URB2: variants seen among roughly 807,000 people sequenced by gnomAD.
The protein encoded by URB2 is URB2 ribosome biogenesis homolog.
Under a neutral mutation model 120.9 loss-of-function variants are expected in URB2, and 86 were observed. The ratio of observed to expected loss-of-function variants is 0.71; its 90% confidence interval spans 0.60 to 0.85. URB2 has a LOEUF of 0.85. Among genes scored for constraint, URB2 ranks in the 40% least tolerant of loss-of-function variants. URB2 has a pLI of 0.00. For synonymous variants in URB2, 755 were observed against 758.4 expected (o/e 1.00, Z 0.07); for missense variants, 1,765 against 1,836.5 (o/e 0.96, Z 0.71).
rs1185772936 is a variant in URB2, at chr1:229,635,216, G to C, written c.603G>C (p.Leu201=). Residue 201 remains leucine (L), a synonymous_variant, in exon 4 of 10, where the codon CTG becomes CTC. Transcript: ENST00000258243. ...CCTTTGGGGATGTGACTGCTCACCT[G>C]CTCCAGCCGTGCCTGGTCCTGAGGC... The part of the protein sequence containing the change: ...RRAFGDVTAH[L]LQPCLVLRHL... 2.5e-6 allele frequency: 4 copies of C among 1,614,102 alleles called. No individual in the cohort carries two copies. The highest frequency in any genetic ancestry group is 3.3e-5 in the Admixed American group (2 of 60,016).
intron 2 of URB2, 41 bp downstream of exon 2, chr1:229,627,800 G>A (rs755767285): frequency 2.1e-5 from 32 of 1,560,682 alleles, no homozygotes; most frequent in Non-Finnish European, 2.8e-5. Flanking sequence ...AGTCTGTCAA[G>A]ATAATTATCA....
chr1:229,635,449 A>C lies in URB2; in HGVS notation c.836A>C (p.Asp279Ala). The part of the protein sequence containing the change: ...GAMKNLLAPM[D>A]TVLNRLVDAG... The stretch of plus-strand genomic sequence containing the variant: ...ATGAAGAACCTTCTGGCTCCCATGG[A>C]CACCGTGCTTAACAGGCTGGTTGAT... The change falls in exon 4 of 10, where the codon GAC (aspartate) becomes GCC (alanine). Residue 279 changes from aspartate (D) to alanine (A), a missense_variant. Asp to Ala is a moderately radical substitution (Grantham distance 126, BLOSUM62 -2). Coordinates refer to ENST00000258243, the MANE Select transcript of URB2 (RefSeq NM_014777.4). 1.2e-6 allele frequency: 2 copies of C among 1,613,476 alleles called. No homozygotes were observed. The highest frequency in any genetic ancestry group is 8.5e-7 in the Non-Finnish European group (1 of 1,179,650).
At chr1:229,638,636 A>T (rs2102788230) in intron 4 of URB2, among the ~76,000 whole-genome samples, 1 of 148,458 alleles carries the variant, frequency 6.7e-6, no homozygotes, top group Admixed American at 6.9e-5. Flanking sequence ...ACAGAGCGAG[A>T]GTCTGTCTCA....
chr1:229,634,629 T>G (rs1571868676), intron 3 of URB2, among the ~76,000 whole-genome samples: 1 of 152,170 alleles, frequency 6.6e-6, no homozygotes, highest in African/African-American at 2.4e-5. Flanking sequence ...TTTAAGCCCT[T>G]TAAAACCCAG....
chr1:229,643,290 G>T (rs546469867), intron 4 of URB2, among the ~76,000 whole-genome samples: 4 of 152,368 alleles, frequency 2.6e-5, no homozygotes, highest in African/African-American at 9.6e-5. Context: ...TACCTCCTAA[G>T]CATGGCTGTC....
At chr1:229,651,403 T>C in intron 8 of URB2, 81 bp downstream of exon 8, 1 of 1,170,404 alleles carries the variant, frequency 8.5e-7, no homozygotes, top group Non-Finnish European at 1.2e-6. Context: ...TTACTGAAAA[T>C]AAAACTACTC....
Position 229,637,036 on chromosome 1 carries a change from A to G in URB2, c.2423A>G (p.His808Arg). 1 of 1,614,076 alleles carries G rather than the reference A, an allele frequency of 6.2e-7. No homozygotes were observed. Among genetic ancestry groups the G allele is most frequent in the Non-Finnish European group, 8.5e-7 (1 of 1,180,040 alleles). The change falls in exon 4 of 10, where the codon CAT (histidine) becomes CGT (arginine). Residue 808 changes from histidine (H) to arginine (R), a missense_variant. His to Arg is a conservative substitution (Grantham distance 29). Coordinates refer to ENST00000258243, the MANE Select transcript of URB2 (RefSeq NM_014777.4). Reference protein sequence around the residue: ...SPLFPEMQSLHSAFLTCVTTS... With the variant: ...SPLFPEMQSLRSAFLTCVTTS... The stretch of plus-strand genomic sequence containing the variant: ...CTCTTTCCAGAGATGCAGTCCCTTC[A>G]TTCTGCTTTCTTAACGTGCGTAACC...
chr1:229,651,916 T>C (rs1666283477), intron 8 of URB2, among the ~76,000 whole-genome samples: 1 of 152,242 alleles, frequency 6.6e-6, no homozygotes, highest in Non-Finnish European at 1.5e-5. Context: ...GCGCAGTGGC[T>C]CATGGCTGTA....
chr1:229,649,143 G>A (rs1265501899), intron 7 of URB2, among the ~76,000 whole-genome samples: 1 of 152,088 alleles, frequency 6.6e-6, no homozygotes, highest in Non-Finnish European at 1.5e-5. Flanking sequence ...ATGGCTGTGT[G>A]TCATATATTC....
At chr1:229,639,371 G>A (rs903051288) in intron 4 of URB2, among the ~76,000 whole-genome samples, 1 of 138,226 alleles carries the variant, frequency 7.2e-6, no homozygotes, top group Non-Finnish European at 1.5e-5. Context: ...GTCTCACTCT[G>A]TCTACCAGGA....
chr1:229,650,612 G>A (rs1245206815), intron 7 of URB2, among the ~76,000 whole-genome samples: 1 of 152,046 alleles, frequency 6.6e-6, no homozygotes, highest in Non-Finnish European at 1.5e-5. Context: ...TGTATTTTTA[G>A]TAGAAACAGG....
chr1:229,639,703 C>A (rs1013044624), intron 4 of URB2, among the ~76,000 whole-genome samples: 1 of 152,164 alleles, frequency 6.6e-6, no homozygotes, highest in Admixed American at 6.5e-5. Context: ...CCTTAGTTCA[C>A]CCCTGTCCCC....
chr1:229,635,745 G>T lies in URB2; in HGVS notation c.1132G>T (p.Asp378Tyr), dbSNP rs765588103. 1 of 1,614,020 alleles carries T rather than the reference G, an allele frequency of 6.2e-7. No homozygotes were observed. The highest frequency in any genetic ancestry group is 8.5e-7 in the Non-Finnish European group (1 of 1,180,060). The change falls in exon 4 of 10, where the codon GAC (aspartate) becomes TAC (tyrosine). Residue 378 changes from aspartate (D) to tyrosine (Y), a missense_variant. Transcript: ENST00000258243. ...ANNNIYNIAA[D>Y]RIRHEEAQFR... Reference sequence around the variant, plus strand: ...CAACAATATCTACAACATCGCTGCCGACAGAATTCGGCACGAAGAGGCTCA... The same window carrying T: ...CAACAATATCTACAACATCGCTGCCTACAGAATTCGGCACGAAGAGGCTCA...
In URB2 at chr1:229,647,634, G is replaced by A. The variant is rs773178426; in HGVS notation, c.4031G>A (p.Ser1344Asn). Residue 1344 changes from serine (S) to asparagine (N), a missense_variant, in exon 7 of 10, where the codon AGC (serine) becomes AAC (asparagine). By Grantham distance (46) the Ser-to-Asn change is conservative (BLOSUM62 1). Coordinates refer to ENST00000258243, the MANE Select transcript of URB2 (RefSeq NM_014777.4). ...GCCATCGGCAACCCCCACCACGTCAGCCTGGCCTTCAGCATCCTTCTCACT... is the reference window on the plus strand; with the variant it reads ...GCCATCGGCAACCCCCACCACGTCAACCTGGCCTTCAGCATCCTTCTCACT... ...EEAIGNPHHVSLAFSILLTVP... is the reference protein window; with the variant it reads ...EEAIGNPHHVNLAFSILLTVP... The A allele has an allele frequency of 1.2e-6, 2 of 1,614,194 alleles. No homozygotes were observed. Among genetic ancestry groups the A allele is most frequent in the Non-Finnish European group, 8.5e-7 (1 of 1,180,040 alleles).
chr1:229,641,164 C>G (rs1050050061), intron 4 of URB2, among the ~76,000 whole-genome samples: 3 of 152,026 alleles, frequency 2.0e-5, no homozygotes. Context: ...AGGCATGCAC[C>G]ACCATGCCCG....
chr1:229,641,518 A>G (rs2102790526), intron 4 of URB2, among the ~76,000 whole-genome samples: 1 of 152,270 alleles, frequency 6.6e-6, no homozygotes, highest in South Asian at 2.1e-4. Context: ...GGGAAGTGCC[A>G]GAGTTGTGAG....
rs1316683847 is a variant in URB2 at position 229,647,753 on chromosome 1, G to A, written c.4149+1G>A. 2 of 1,610,826 alleles carry A rather than the reference G, an allele frequency of 1.2e-6. No individual in the cohort carries two copies. The highest frequency in any genetic ancestry group is 8.5e-7 in the Non-Finnish European group (1 of 1,177,540). Reference sequence around the variant, plus strand: ...CTCAATCCTGCAGTGTCACCCTAAGGTGAGAAGGAGGGTGAGAGTGGCAGG... The same window carrying A: ...CTCAATCCTGCAGTGTCACCCTAAGATGAGAAGGAGGGTGAGAGTGGCAGG... On this transcript the variant is annotated splice_donor_variant, in intron 7 of 9. Coordinates refer to ENST00000258243, the MANE Select transcript of URB2 (RefSeq NM_014777.4). LOFTEE classifies it high-confidence loss of function.
intron 4 of URB2, among the ~76,000 whole-genome samples, chr1:229,642,381 G>A (rs1408683026): frequency 6.6e-6 from 1 of 152,156 alleles, no homozygotes; most frequent in East Asian, 1.9e-4. Context: ...TGGGTCCAGG[G>A]TTTTACAGCT....
chr1:229,628,077 C>A (rs1665557408), intron 2 of URB2, among the ~76,000 whole-genome samples: 1 of 142,144 alleles, frequency 7.0e-6, no homozygotes. Flanking sequence ...AATGAGATCC[C>A]ATCTCTTAAA....
Sources: allele counts gnomAD v4.1 joint callset (sites outside exome capture counted in the v4.1 genomes callset), GRCh38; gene constraint gnomAD v4.1.1; transcripts MANE v1.5; gene names NCBI Gene and HGNC (gene_info 2026-07-23, HGNC 2026-07-21).